Variants in RALYL observed in about 807,000 individuals in gnomAD.
The protein encoded by RALYL is RALY RNA binding protein like.
Under a neutral mutation model 35.1 loss-of-function variants are expected in RALYL, and 29 were observed. The observed-to-expected ratio is 0.83, with a 90% CI of 0.61 to 1.13. The LOEUF is 1.13. RALYL is among the 50% of genes most tolerant of loss of function. The pLI is 0.00. For synonymous variants in RALYL, 120 were observed against 127.6 expected (o/e 0.94, Z 0.40); for missense variants, 359 against 360.4 (o/e 1.00, Z 0.03).
At chr8:84,675,922 C>G (rs1834100462) in intron 2 of RALYL, among the ~76,000 whole-genome samples, 1 of 152,038 alleles carries the variant, frequency 6.6e-6, no homozygotes, top group Non-Finnish European at 1.5e-5. Flanking sequence ...TGGTCACCAA[C>G]AAAAAGAGCA....
intron 2 of RALYL, among the ~76,000 whole-genome samples, chr8:84,721,139 A>G (rs1843825927): frequency 6.6e-6 from 1 of 151,980 alleles, no homozygotes; most frequent in Non-Finnish European, 1.5e-5. Context: ...AGGCTGAGGC[A>G]GGAGGATAGC....
chr8:84,704,651 G>T (rs925039756), intron 2 of RALYL, among the ~76,000 whole-genome samples: 7 of 152,116 alleles, frequency 4.6e-5, no homozygotes, highest in Admixed American at 2.0e-4. Flanking sequence ...TGCAGACACT[G>T]ACTATGCCCT....
rs11986522 is a variant in RALYL at position 84,860,624 on chromosome 8, G to T, written c.414-1672G>T. ...CCCTTTTCAGCCTCATCCTGCCTGT[G>T]CTCTTTGAAGTAAACTATTATGTGT... On this transcript the variant is annotated intron_variant, in intron 5 of 8. Coordinates refer to ENST00000521268, the MANE Select transcript of RALYL (RefSeq NM_173848.7). 6.2e-3 allele frequency among the ~76,000 whole-genome samples: 951 copies of T among 152,234 alleles called. 9 individuals carry two copies. Among genetic ancestry groups the T allele is most frequent in the African/African-American group, 0.022 (897 of 41,536 alleles).
At chr8:84,396,482 A>G (rs1210921240) in intron 1 of RALYL, among the ~76,000 whole-genome samples, 1 of 152,148 alleles carries the variant, frequency 6.6e-6, no homozygotes, top group Non-Finnish European at 1.5e-5. Flanking sequence ...TCATTCATTC[A>G]ATAAACATTA....
chr8:84,496,499 C>T (rs112243753), intron 1 of RALYL, among the ~76,000 whole-genome samples: 1 of 152,008 alleles, frequency 6.6e-6, no homozygotes, highest in African/African-American at 2.4e-5. Flanking sequence ...ATCTCACAAC[C>T]ATGGCATTAT....
chr8:84,282,066 C>T (rs1399379549), intron 1 of RALYL, among the ~76,000 whole-genome samples: 1 of 152,068 alleles, frequency 6.6e-6, no homozygotes, highest in African/African-American at 2.4e-5. Context: ...CTGTGGAAAT[C>T]TCTTGCCCCT....
chr8:84,885,365 G>A (rs115940990), intron 7 of RALYL, among the ~76,000 whole-genome samples: 1,644 of 151,750 alleles, frequency 0.011, 33 homozygotes, highest in African/African-American at 0.037. Context: ...TCTATATTTA[G>A]AAAAAATCTT....
At chr8:84,324,283 CT>C (rs948410645) in intron 1 of RALYL, among the ~76,000 whole-genome samples, 2 of 151,586 alleles carry the variant, frequency 1.3e-5, no homozygotes, top group Admixed American at 6.6e-5. Flanking sequence ...CAGTTAATTT[CT>C]TTTTTTTCCT....
At chr8:84,731,935 T>C (rs1452134971) in intron 2 of RALYL, among the ~76,000 whole-genome samples, 14 of 152,126 alleles carry the variant, frequency 9.2e-5, no homozygotes, top group Admixed American at 9.2e-4. Flanking sequence ...TTGTTCATGC[T>C]GTTCCCTTTC....
intron 8 of RALYL, among the ~76,000 whole-genome samples, chr8:84,908,855 C>T (rs1847010685): frequency 6.6e-6 from 1 of 151,834 alleles, no homozygotes; most frequent in African/African-American, 2.4e-5. Context: ...GGATGTCACC[C>T]TCCAGCACTT....
intron 2 of RALYL, among the ~76,000 whole-genome samples, chr8:84,771,469 A>G (rs1197394853): frequency 6.6e-6 from 1 of 152,060 alleles, no homozygotes; most frequent in Non-Finnish European, 1.5e-5. Context: ...GAAACTGATG[A>G]ATTATTTTTC....
chr8:84,275,910 A>G (rs1180096665), intron 1 of RALYL, among the ~76,000 whole-genome samples: 3 of 152,016 alleles, frequency 2.0e-5, no homozygotes, highest in African/African-American at 4.8e-5. Context: ...TTTTGTTTTT[A>G]TATTCTATAA....
At chr8:84,605,231 T>G (rs1197688561) in intron 2 of RALYL, among the ~76,000 whole-genome samples, 1 of 152,102 alleles carries the variant, frequency 6.6e-6, no homozygotes, top group Non-Finnish European at 1.5e-5. Context: ...CTGAACTAAA[T>G]CAATAACTTT....
chr8:84,709,996 G>A (rs1476577264), intron 2 of RALYL, among the ~76,000 whole-genome samples: 3 of 152,064 alleles, frequency 2.0e-5, no homozygotes, highest in Admixed American at 1.3e-4. Context: ...AAGAGGTGGA[G>A]GTTGCAGTGA....
rs140981937 is a variant in RALYL at position 84,559,669 on chromosome 8, A to G, written c.256+30092A>G. ...ATGATTACTAATTAAAGAGTAAGCA[A>G]AGATCTGGCTTGTGAAAATAAAATT... On this transcript the variant is annotated intron_variant, in intron 2 of 8. Coordinates refer to ENST00000521268, the MANE Select transcript of RALYL (RefSeq NM_173848.7). 1.9e-3 allele frequency among the ~76,000 whole-genome samples: 288 copies of G among 152,230 alleles called. 1 individual carries two copies. The highest frequency in any genetic ancestry group is 3.9e-3 in the African/African-American group (164 of 41,556).
At chr8:84,866,700 T>C (rs1839236638) in intron 6 of RALYL, among the ~76,000 whole-genome samples, 3 of 152,132 alleles carry the variant, frequency 2.0e-5, no homozygotes, top group Admixed American at 6.6e-5. Context: ...ATAAAAGCCT[T>C]AATAGATAAT....
intron 2 of RALYL, among the ~76,000 whole-genome samples, chr8:84,734,960 AAT>A (rs140082748): frequency 1.3e-3 from 202 of 151,410 alleles, no homozygotes; most frequent in African/African-American, 4.5e-3. Context: ...TTAAAACATG[AAT>A]ATATATATAT....
intron 4 of RALYL, among the ~76,000 whole-genome samples, chr8:84,811,553 G>A (rs890144222): frequency 3.9e-5 from 6 of 152,098 alleles, no homozygotes; most frequent in East Asian, 3.8e-4. Flanking sequence ...GTATTTAGAT[G>A]TCTAGTTCTC....
intron 1 of RALYL, among the ~76,000 whole-genome samples, chr8:84,403,000 A>G (rs1016798823): frequency 6.6e-6 from 1 of 151,880 alleles, no homozygotes; most frequent in South Asian, 2.1e-4. Context: ...CCACTTTTTG[A>G]TGGGGTTGTT....
Sources: allele counts gnomAD v4.1 joint callset (sites outside exome capture counted in the v4.1 genomes callset), GRCh38; gene constraint gnomAD v4.1.1; transcripts MANE v1.5; gene names NCBI Gene and HGNC (gene_info 2026-07-23, HGNC 2026-07-21).